Variants in PPFIA2 observed in about 807,000 individuals in gnomAD.
PPFIA2 encodes PPFI scaffold protein A2.
A neutral mutation model predicts 175.5 loss-of-function variants in PPFIA2; 46 were observed. The observed-to-expected ratio is 0.26, with a 90% CI of 0.21 to 0.34. PPFIA2 has a LOEUF of 0.34. Among genes scored for constraint, PPFIA2 ranks in the 10% least tolerant of loss-of-function variants. The probability of loss-of-function intolerance (pLI) is 1.00; values close to 1 mark genes in which losing one functional copy is unlikely to be tolerated. For synonymous variants in PPFIA2, 568 were observed against 511.4 expected, an observed-to-expected ratio of 1.11 and a Z score of -1.49; for missense variants, 1,179 against 1,506.1, an observed-to-expected ratio of 0.78 and a Z score of 3.60.
intron 7 of PPFIA2, among the ~76,000 whole-genome samples, chr12:81,438,091 C>G (rs1333595114): frequency 6.6e-6 from 1 of 152,110 alleles, no homozygotes; most frequent in Non-Finnish European, 1.5e-5. Context: ...AGCTGAAAGT[C>G]CATTATTTCT....
rs34030284 is a variant in PPFIA2 at position 81,497,530 on chromosome 12, C to CTTT, written c.304-39667_304-39665dup. Among the ~76,000 whole-genome samples the CTTT allele has an allele frequency of 1.4e-4, 9 of 66,202 alleles. 1 individual carries two copies. The highest frequency in any genetic ancestry group is 1.8e-4 in the Non-Finnish European group (6 of 33,330). The allele number at this position is 66,202 out of a possible 152,430, so 43.4% of individuals were successfully genotyped here. ...AGTGACATCCCTATTTCATTGATGTCTTTTTTTTTTTTTTTTTTTTTTTTT... is the reference window on the plus strand; with the variant it reads ...AGTGACATCCCTATTTCATTGATGTCTTTTTTTTTTTTTTTTTTTTTTTTTTTT... On this transcript the variant is annotated intron_variant, in intron 4 of 32. Transcript: ENST00000549396.
At chr12:81,750,384 A>G (rs537728205) in intron 3 of PPFIA2, among the ~76,000 whole-genome samples, 1 of 143,524 alleles carries the variant, frequency 7.0e-6, no homozygotes, top group African/African-American at 2.4e-5. Flanking sequence ...GAGGTACAAA[A>G]AGTGTGGCCC....
chr12:81,534,700 T>C (rs779368520), intron 4 of PPFIA2, among the ~76,000 whole-genome samples: 23 of 151,820 alleles, frequency 1.5e-4, no homozygotes, highest in Admixed American at 3.9e-4. Context: ...ACACTTGATA[T>C]ACATCAAGAA....
chr12:81,331,584 T>C (rs1231960381), intron 21 of PPFIA2, among the ~76,000 whole-genome samples: 1 of 152,190 alleles, frequency 6.6e-6, no homozygotes, highest in African/African-American at 2.4e-5. Flanking sequence ...AGAATTGCCA[T>C]TTAGAGGCAA....
At chr12:81,549,511 A>G (rs1162732016) in intron 4 of PPFIA2, among the ~76,000 whole-genome samples, 1 of 151,950 alleles carries the variant, frequency 6.6e-6, no homozygotes, top group Admixed American at 6.6e-5. Flanking sequence ...ATCATGGCCT[A>G]TGGGAAGTCT....
At chr12:81,407,470 G>A (rs2043136694) in intron 7 of PPFIA2, among the ~76,000 whole-genome samples, 2 of 134,860 alleles carry the variant, frequency 1.5e-5, no homozygotes, top group Non-Finnish European at 3.1e-5. Context: ...GCGACAGAGG[G>A]AGACTCTGTC....
intron 4 of PPFIA2, among the ~76,000 whole-genome samples, chr12:81,660,381 C>G (rs1030350629): frequency 6.6e-6 from 1 of 152,052 alleles, no homozygotes; most frequent in African/African-American, 2.4e-5. Flanking sequence ...AACCTTGGCA[C>G]GAGAACTACG....
chr12:81,556,875 T>G (rs1316036331), intron 4 of PPFIA2, among the ~76,000 whole-genome samples: 2 of 151,966 alleles, frequency 1.3e-5, no homozygotes, highest in Non-Finnish European at 2.9e-5. Context: ...TTTCACTTTT[T>G]GCACTTATTT....
At chr12:81,362,593 T>C (rs2031287472) in intron 15 of PPFIA2, 100 bp downstream of exon 15, 1 of 689,084 alleles carries the variant, frequency 1.5e-6, no homozygotes, top group South Asian at 2.4e-5. Flanking sequence ...TAGTGAGCAA[T>C]AGGAAGTACT....
At chr12:81,567,149 G>A (rs567545482) in intron 4 of PPFIA2, among the ~76,000 whole-genome samples, 2 of 152,232 alleles carry the variant, frequency 1.3e-5, no homozygotes, top group African/African-American at 2.4e-5. Context: ...CGGGATTCAC[G>A]CCATTTTCCT....
chr12:81,410,812 T>C (rs189303554), intron 7 of PPFIA2, among the ~76,000 whole-genome samples: 25 of 152,216 alleles, frequency 1.6e-4, no homozygotes, highest in Admixed American at 1.3e-3. Flanking sequence ...CGATTCTCTC[T>C]ATCTACTAAG....
intron 4 of PPFIA2, among the ~76,000 whole-genome samples, chr12:81,661,113 T>G (rs898121510): frequency 1.3e-5 from 2 of 152,090 alleles, no homozygotes; most frequent in Admixed American, 6.6e-5. Context: ...GTAAAGACCA[T>G]CGAGGCTAGG....
At chr12:81,404,720 C>G (rs2042632745) in intron 8 of PPFIA2, among the ~76,000 whole-genome samples, 1 of 152,154 alleles carries the variant, frequency 6.6e-6, no homozygotes, top group South Asian at 2.1e-4. Flanking sequence ...GGAAATTCAT[C>G]TGATTTACTT....
intron 8 of PPFIA2, among the ~76,000 whole-genome samples, chr12:81,404,935 T>C (rs2042673943): frequency 6.6e-6 from 1 of 152,216 alleles, no homozygotes; most frequent in African/African-American, 2.4e-5. Flanking sequence ...AGCTGATTCA[T>C]GTGGTCTTCA....
intron 3 of PPFIA2, among the ~76,000 whole-genome samples, chr12:81,678,880 A>G (rs191604176): frequency 6.6e-6 from 1 of 151,938 alleles, no homozygotes; most frequent in East Asian, 1.9e-4. Context: ...TCTGTTTGTA[A>G]AAGGCCCACC....
chr12:81,403,100 C>G (rs10862308), intron 8 of PPFIA2, among the ~76,000 whole-genome samples: 12,963 of 151,976 alleles, frequency 0.085, 731 homozygotes, highest in Non-Finnish European at 0.12. Context: ...TTTAGAAATT[C>G]AAGGAAGCTG....
chr12:81,395,700 G>C (rs1461029783), intron 8 of PPFIA2, among the ~76,000 whole-genome samples: 4 of 152,058 alleles, frequency 2.6e-5, no homozygotes, highest in Non-Finnish European at 4.4e-5. Flanking sequence ...TGCCAAGACA[G>C]ATTTATAATC....
At chr12:81,495,028 G>T (rs1399535521) in intron 4 of PPFIA2, among the ~76,000 whole-genome samples, 1 of 151,402 alleles carries the variant, frequency 6.6e-6, no homozygotes, top group Non-Finnish European at 1.5e-5. Flanking sequence ...CACCAGCATG[G>T]CACATGTATA....
At chr12:81,313,224 A>G (rs996595571) in intron 22 of PPFIA2, among the ~76,000 whole-genome samples, 1 of 152,170 alleles carries the variant, frequency 6.6e-6, no homozygotes, top group Non-Finnish European at 1.5e-5. Context: ...TTACAAGCAT[A>G]ATAGCCTAAT....
Sources: allele counts gnomAD v4.1 joint callset (sites outside exome capture counted in the v4.1 genomes callset), GRCh38; gene constraint gnomAD v4.1.1; transcripts MANE v1.5; gene names NCBI Gene and HGNC (gene_info 2026-07-23, HGNC 2026-07-21).